B3GAT2: variants seen among roughly 807,000 people sequenced by gnomAD.
The protein encoded by B3GAT2 is galactosylgalactosylxylosylprotein 3-beta-glucuronosyltransferase 2.
B3GAT2 carries 26 observed loss-of-function variants against 27.8 expected under a neutral mutation model. That is an observed-to-expected ratio of 0.93 (90% CI 0.68 to 1.30). The LOEUF (loss-of-function observed/expected upper bound fraction) is 1.30. Ranked by LOEUF, B3GAT2 falls within the 50% of genes most tolerant of loss-of-function variation. The pLI is 0.00. For synonymous variants in B3GAT2, 218 were observed against 195.1 expected (o/e 1.12, Z -0.98); for missense variants, 458 against 459.0 (o/e 1.00, Z 0.02).
chr6:70,910,068 T>C (rs183775499), intron 1 of B3GAT2, among the ~76,000 whole-genome samples: 1,913 of 152,170 alleles, frequency 0.013, 16 homozygotes, highest in Middle Eastern at 0.061. Flanking sequence ...AGAGATGGGG[T>C]TTCACCGTGT....
At chr6:70,937,650 A>G (rs1395179521) in intron 1 of B3GAT2, among the ~76,000 whole-genome samples, 4 of 151,682 alleles carry the variant, frequency 2.6e-5, no homozygotes, top group African/African-American at 7.3e-5. Flanking sequence ...AAAGACAAAA[A>G]CCACATGATT....
In B3GAT2 at chr6:70,955,228, G is replaced by A. The variant is rs188055903; in HGVS notation, c.591+611C>T. 6.6e-3 allele frequency among the ~76,000 whole-genome samples: 996 copies of A among 151,838 alleles called. 8 individuals carry two copies. The highest frequency in any genetic ancestry group is 0.041 in the Middle Eastern group (12 of 290). ...GTCAGAAAAGACTTTTGTGAGGTGT[G>A]GGAAAGAGAGGAAGGACCTCCATAG... On this transcript the variant is annotated intron_variant, in intron 1 of 3. Transcript: ENST00000230053.
intron 2 of B3GAT2, 53 bp downstream of exon 2, chr6:70,894,075 A>G: frequency 6.8e-7 from 1 of 1,471,034 alleles, no homozygotes; most frequent in Non-Finnish European, 9.1e-7. Context: ...CGTTATAAAC[A>G]AGAGCATAAG....
chr6:70,898,652 C>T lies in B3GAT2; in HGVS notation c.592-4380G>A, dbSNP rs548694175. ...GCTCCTAAACTGCTTTTGCCCAGAACGCTAAATATTCAAATCTGTGAAAAA... is the reference window on the plus strand; with the variant it reads ...GCTCCTAAACTGCTTTTGCCCAGAATGCTAAATATTCAAATCTGTGAAAAA... On this transcript the variant is annotated intron_variant, in intron 1 of 3. Coordinates refer to ENST00000230053, the MANE Select transcript of B3GAT2 (RefSeq NM_080742.3). 1.2e-3 allele frequency among the ~76,000 whole-genome samples: 182 copies of T among 152,234 alleles called. 1 individual carries two copies. Among genetic ancestry groups the T allele is most frequent in the Non-Finnish European group, 1.5e-3 (105 of 68,022 alleles).
intron 1 of B3GAT2, among the ~76,000 whole-genome samples, chr6:70,918,337 A>C (rs7449589): frequency 6.6e-6 from 1 of 151,254 alleles, no homozygotes; most frequent in Non-Finnish European, 1.5e-5. Flanking sequence ...AAGGGTCTTG[A>C]CTCTTTATCC....
intron 1 of B3GAT2, among the ~76,000 whole-genome samples, chr6:70,932,625 G>T (rs1773079211): frequency 6.6e-6 from 1 of 152,136 alleles, no homozygotes; most frequent in South Asian, 2.1e-4. Context: ...CAGGTTAAAT[G>T]AATAATTGTG....
At position 70,860,022 on chromosome 6, in the gene B3GAT2, T is replaced by C; in HGVS notation, c.*1641A>G. On this transcript the variant is annotated 3_prime_UTR_variant, in exon 4 of 4. Transcript: ENST00000230053. The stretch of plus-strand genomic sequence containing the variant: ...GGGGAAACTGTATCTAGAAAGTAGA[T>C]AAAGAAGGGAACAAAGTAGCTATTT... The C allele has an allele frequency of 1.7e-6, 1 of 582,368 alleles. No individual in the cohort carries two copies. Among genetic ancestry groups the C allele is most frequent in the Non-Finnish European group, 2.7e-6 (1 of 369,360 alleles). 36.1% of individuals were successfully genotyped at this position (582,368 alleles called of 1,614,324 possible).
In B3GAT2 at chr6:70,857,424, TAAC is replaced by T. The variant is rs1484686098; in HGVS notation, c.*4236_*4238del. On this transcript the variant is annotated 3_prime_UTR_variant, in exon 4 of 4. Coordinates refer to ENST00000230053, the MANE Select transcript of B3GAT2 (RefSeq NM_080742.3). Reference sequence around the variant, plus strand: ...AAATCTATGAATTTTTTTGTAATCATAACAAAATATTAGCATAAGCCTTATTGT... The same window carrying T: ...AAATCTATGAATTTTTTTGTAATCATAAAATATTAGCATAAGCCTTATTGT... 5.9e-5 allele frequency: 10 copies of T among 168,246 alleles called. No individual in the cohort carries two copies. The highest frequency in any genetic ancestry group is 1.7e-4 in the South Asian group (1 of 5,866). 10.4% of individuals were successfully genotyped at this position (168,246 alleles called of 1,614,324 possible). A position where few individuals can be genotyped will look rare whatever the true frequency, so the allele number is the denominator to read the frequency against.
intron 1 of B3GAT2, among the ~76,000 whole-genome samples, chr6:70,915,608 T>A (rs1367600722): frequency 6.6e-6 from 1 of 152,262 alleles, no homozygotes; most frequent in Non-Finnish European, 1.5e-5. Flanking sequence ...GGATCCAGTT[T>A]CAGCTTTCTA....
chr6:70,953,006 G>C (rs4707871), intron 1 of B3GAT2, among the ~76,000 whole-genome samples: 109,312 of 152,044 alleles, frequency 0.72, 39,594 homozygotes, highest in African/African-American at 0.77. Context: ...TAATTTGTAC[G>C]TGGTTCATTT....
chr6:70,946,301 T>C (rs1386041437), intron 1 of B3GAT2, among the ~76,000 whole-genome samples: 1 of 151,396 alleles, frequency 6.6e-6, no homozygotes, highest in Non-Finnish European at 1.5e-5. Context: ...GGATAAAGAG[T>C]CAAGACCCAT....
At chr6:70,901,257 C>T (rs1432836566) in intron 1 of B3GAT2, among the ~76,000 whole-genome samples, 2 of 152,102 alleles carry the variant, frequency 1.3e-5, no homozygotes, top group African/African-American at 2.4e-5. Flanking sequence ...AGGGTAACAT[C>T]GATAGTCATA....
intron 2 of B3GAT2, among the ~76,000 whole-genome samples, chr6:70,869,466 A>G (rs1771901040): frequency 6.6e-6 from 1 of 152,246 alleles, no homozygotes; most frequent in Non-Finnish European, 1.5e-5. Context: ...TAAAGATTGC[A>G]TTGAATCTGT....
intron 2 of B3GAT2, among the ~76,000 whole-genome samples, chr6:70,884,583 A>G (rs1339446231): frequency 1.3e-5 from 2 of 152,182 alleles, no homozygotes; most frequent in African/African-American, 4.8e-5. Context: ...TAACTGCATA[A>G]GCCAAGGATT....
chr6:70,883,181 A>G (rs557894923), intron 2 of B3GAT2, among the ~76,000 whole-genome samples: 2 of 152,318 alleles, frequency 1.3e-5, no homozygotes, highest in South Asian at 4.1e-4. Context: ...TTCTTCAAAA[A>G]ATTCAAACAA....
At chr6:70,902,627 T>TATATAC (rs1554214825) in intron 1 of B3GAT2, among the ~76,000 whole-genome samples, 55 of 142,094 alleles carry the variant, frequency 3.9e-4, no homozygotes, top group Non-Finnish European at 7.1e-4. Context: ...GATATATATA[T>TATATAC]ATATATATAT....
At chr6:70,867,136 A>T (rs1199275761) in intron 2 of B3GAT2, among the ~76,000 whole-genome samples, 1 of 152,024 alleles carries the variant, frequency 6.6e-6, no homozygotes, top group African/African-American at 2.4e-5. Flanking sequence ...TGAAAACAAG[A>T]CATATCAAAA....
chr6:70,902,763 A>T (rs1772528489), intron 1 of B3GAT2, among the ~76,000 whole-genome samples: 1 of 151,910 alleles, frequency 6.6e-6, no homozygotes, highest in South Asian at 2.1e-4. Context: ...CTGGGAAGAC[A>T]TTATGCTAAG....
intron 1 of B3GAT2, among the ~76,000 whole-genome samples, chr6:70,944,823 C>G (rs947549932): frequency 6.6e-6 from 1 of 152,192 alleles, no homozygotes; most frequent in South Asian, 2.1e-4. Flanking sequence ...AGGCACCCCC[C>G]AGTAGGGGCA....
Sources: allele counts gnomAD v4.1 joint callset (sites outside exome capture counted in the v4.1 genomes callset), GRCh38; gene constraint gnomAD v4.1.1; transcripts MANE v1.5; gene names NCBI Gene and HGNC (gene_info 2026-07-23, HGNC 2026-07-21).